The following SHLD2 variants were observed in gnomAD, a reference collection of about 807,000 sequenced individuals.
SHLD2 encodes shieldin complex subunit 2.
In SHLD2, 30 loss-of-function variants were observed where a neutral mutation model predicts 73.2. The ratio of observed to expected loss-of-function variants is 0.41; its 90% CI spans 0.31 to 0.56. The LOEUF (loss-of-function observed/expected upper bound fraction) is 0.56. Ranked by LOEUF, SHLD2 falls within the 20% of genes least tolerant of loss-of-function variation. The pLI is 0.28. For missense variants in SHLD2, 745 were observed against 1,055.9 expected (o/e 0.71, Z 4.08); for synonymous variants, 285 against 370.1 (o/e 0.77, Z 2.64).
chr10:87,175,500 A>G (rs952621418), intron 6 of SHLD2, among the ~76,000 whole-genome samples: 4 of 151,872 alleles, frequency 2.6e-5, no homozygotes, highest in African/African-American at 9.7e-5. Flanking sequence ...CCTGACCAAC[A>G]TGGTGAAACC....
At chr10:87,097,657 AT>A (rs922069749) in intron 2 of SHLD2, among the ~76,000 whole-genome samples, 15 of 150,146 alleles carry the variant, frequency 1.0e-4, no homozygotes, top group South Asian at 2.1e-4. Flanking sequence ...GGAAATTACT[AT>A]TTTTTTTTTA....
In SHLD2 at chr10:87,180,131, C is replaced by G. The variant is rs772755531; in HGVS notation, c.2227C>G (p.Gln743Glu). The change falls in exon 8 of 10, where the codon CAG (glutamine) becomes GAG (glutamate). Residue 743 changes from glutamine (Q) to glutamate (E), a missense_variant. Physicochemically the swap from Gln to Glu is conservative, Grantham distance 29. Transcript: ENST00000298786. ...GCTGGCATTTCCTATTACAGCATCT[C>G]AGAAGATAGCGCTAAATGCTCACAG... ...SELAFPITAS[Q>E]KIALNAHSSL... is the part of the protein sequence containing the mutation. 15 of 1,613,876 alleles carry G rather than the reference C, an allele frequency of 9.3e-6. No individual in the cohort carries two copies. The highest frequency in any genetic ancestry group is 1.2e-5 in the Non-Finnish European group (14 of 1,179,838).
At chr10:87,139,100 TCAGAACA>T (rs1845002808) in intron 2 of SHLD2, among the ~76,000 whole-genome samples, 1 of 152,204 alleles carries the variant, frequency 6.6e-6, no homozygotes, top group South Asian at 2.1e-4. Context: ...ACACTGGAAA[TCAGAACA>T]CTGAACAATT....
chr10:87,178,159 G>A (rs549695234), intron 7 of SHLD2, among the ~76,000 whole-genome samples: 2 of 143,076 alleles, frequency 1.4e-5, no homozygotes, highest in East Asian at 2.1e-4. Flanking sequence ...TTGCTTGAAC[G>A]CAGGAGGCAG....
intron 4 of SHLD2, among the ~76,000 whole-genome samples, chr10:87,160,578 T>C (rs1846733681): frequency 6.6e-6 from 1 of 152,130 alleles, no homozygotes; most frequent in South Asian, 2.1e-4. Flanking sequence ...GCCAATGTCT[T>C]ATTTAATAGA....
chr10:87,125,858 C>T (rs1365345822), intron 2 of SHLD2, among the ~76,000 whole-genome samples: 4 of 151,584 alleles, frequency 2.6e-5, no homozygotes, highest in East Asian at 1.9e-4. Context: ...ACCCGGGAGG[C>T]GGAGGTTGCA....
intron 8 of SHLD2, among the ~76,000 whole-genome samples, chr10:87,186,273 A>C (rs1848613673): frequency 6.6e-6 from 1 of 152,206 alleles, no homozygotes; most frequent in Non-Finnish European, 1.5e-5. Flanking sequence ...CTGTCACATT[A>C]AATTCCCCCG....
intron 7 of SHLD2, among the ~76,000 whole-genome samples, chr10:87,177,642 C>A (rs1238830406): frequency 6.6e-6 from 1 of 152,144 alleles, no homozygotes; most frequent in Non-Finnish European, 1.5e-5. Context: ...TTTTCCCTAA[C>A]CTATTTTATA....
intron 8 of SHLD2, 117 bp from the exon 9 acceptor site, chr10:87,186,968 A>T: frequency 5.8e-5 from 36 of 621,614 alleles, no homozygotes; most frequent in East Asian, 1.2e-4. Flanking sequence ...GAGTTGTTTT[A>T]GGCATTCAAA....
At chr10:87,141,197 C>T (rs1845170863) in intron 2 of SHLD2, among the ~76,000 whole-genome samples, 1 of 152,120 alleles carries the variant, frequency 6.6e-6, no homozygotes, top group African/African-American at 2.4e-5. Flanking sequence ...GGGAGGATTG[C>T]TTGAGCTTGG....
chr10:87,144,404 A>C (rs1474460874), intron 2 of SHLD2, among the ~76,000 whole-genome samples: 1 of 152,196 alleles, frequency 6.6e-6, no homozygotes, highest in Non-Finnish European at 1.5e-5. Flanking sequence ...AAGGAAATTA[A>C]AAGTTATGCA....
At chr10:87,101,827 T>A (rs945610063) in intron 2 of SHLD2, among the ~76,000 whole-genome samples, 5 of 152,140 alleles carry the variant, frequency 3.3e-5, no homozygotes, top group Non-Finnish European at 7.4e-5. Context: ...GGTACGAGAA[T>A]TACCTGAACC....
intron 2 of SHLD2, among the ~76,000 whole-genome samples, chr10:87,116,447 T>A (rs952981290): frequency 5.3e-5 from 8 of 151,706 alleles, no homozygotes; most frequent in Non-Finnish European, 1.0e-4. Flanking sequence ...GTGAAGATAC[T>A]GGGTTGCAGT....
At chr10:87,188,342 AG>A (rs1275664918) in intron 9 of SHLD2, among the ~76,000 whole-genome samples, 3 of 151,848 alleles carry the variant, frequency 2.0e-5, no homozygotes, top group Non-Finnish European at 4.4e-5. Flanking sequence ...CCCAGGATGG[AG>A]GGGTTTTTTT....
chr10:87,184,199 C>G (rs1848477095), intron 8 of SHLD2, among the ~76,000 whole-genome samples: 1 of 152,124 alleles, frequency 6.6e-6, no homozygotes, highest in Non-Finnish European at 1.5e-5. Context: ...TTTCTCTTCC[C>G]TACCTCCCCT....
intron 8 of SHLD2, among the ~76,000 whole-genome samples, chr10:87,184,037 G>T (rs1388068493): frequency 2.0e-5 from 3 of 152,060 alleles, no homozygotes; most frequent in Admixed American, 1.3e-4. Context: ...TTTGCTTGAC[G>T]TCCATCTCAC....
intron 8 of SHLD2, among the ~76,000 whole-genome samples, chr10:87,183,508 CTTTT>C (rs1848434718): frequency 6.6e-6 from 1 of 152,154 alleles, no homozygotes; most frequent in African/African-American, 2.4e-5. Flanking sequence ...TCCCATATTT[CTTTT>C]ATTAAAAAAC....
intron 1 of SHLD2, 50 bp from the exon 2 acceptor site, chr10:87,096,884 C>G (rs532330656): frequency 2.0e-5 from 3 of 152,194 alleles, no homozygotes; most frequent in African/African-American, 7.2e-5. Context: ...TTTTACCTTA[C>G]TTGCTAAATA....
intron 2 of SHLD2, among the ~76,000 whole-genome samples, chr10:87,132,255 A>C (rs11202338): frequency 0.051 from 7,813 of 152,114 alleles, 364 homozygotes; most frequent in African/African-American, 0.13. Context: ...GTGTTTATTT[A>C]CCAGGTTATT....
Sources: gnomAD v4.1 joint callset for allele counts (sites outside exome capture counted in the v4.1 genomes callset) on GRCh38, gnomAD v4.1.1 for gene constraint, MANE v1.5 for transcripts, NCBI Gene and HGNC (gene_info 2026-07-23, HGNC 2026-07-21) for gene names.